Variants in RTTN observed in about 807,000 individuals in gnomAD.
RTTN encodes the protein rotatin.
In RTTN, 182 loss-of-function variants were observed where a neutral mutation model predicts 269.2. The ratio of observed to expected loss-of-function variants is 0.68; its 90% CI spans 0.60 to 0.76. The LOEUF (loss-of-function observed/expected upper bound fraction) is 0.76. RTTN is among the 30% of genes least tolerant of loss of function. The probability of loss-of-function intolerance (pLI) is 0.00; values close to 1 mark genes in which losing one functional copy is unlikely to be tolerated. For synonymous variants in RTTN, 1,006 were observed against 963.5 expected, an observed-to-expected ratio of 1.04 and a Z score of -0.82; for missense variants, 2,545 against 2,608.6, an observed-to-expected ratio of 0.98 and a Z score of 0.53.
At chr18:70,020,851 C>T (rs1351386351) in intron 44 of RTTN, 34 bp from the exon 45 acceptor site, 1 of 1,561,388 alleles carries the variant, frequency 6.4e-7, no homozygotes, top group South Asian at 1.1e-5. Flanking sequence ...AATGTCTTCT[C>T]AGTTTCCCTG....
At chr18:70,041,724 G>A (rs977302099) in intron 40 of RTTN, among the ~76,000 whole-genome samples, 1 of 152,160 alleles carries the variant, frequency 6.6e-6, no homozygotes, top group African/African-American at 2.4e-5. Flanking sequence ...AACTGGCAGA[G>A]ACAGGAAAAT....
At position 70,186,652 on chromosome 18, in the gene RTTN, A is replaced by T. The variant is rs547941108; in HGVS notation, c.1305+1456T>A. 8.5e-5 allele frequency among the ~76,000 whole-genome samples: 13 copies of T among 152,364 alleles called. No individual in the cohort carries two copies. In the East Asian group the frequency reaches 2.5e-3, roughly 29 times the overall value. ...TATCAATGGGAGACTGATTAAGGAA[A>T]ATGTGGTACATACACACCAATGAAT... On this transcript the variant is annotated intron_variant, in intron 10 of 48. Transcript: ENST00000640769.
intron 34 of RTTN, among the ~76,000 whole-genome samples, chr18:70,066,540 T>C (rs1382169525): frequency 6.6e-6 from 1 of 152,162 alleles, no homozygotes; most frequent in Non-Finnish European, 1.5e-5. Flanking sequence ...CAAAGTGATG[T>C]GTTTGCGCTA....
chr18:70,067,376 G>C (rs2058169409), intron 34 of RTTN, among the ~76,000 whole-genome samples: 1 of 152,008 alleles, frequency 6.6e-6, no homozygotes, highest in South Asian at 2.1e-4. Context: ...AGCCAGGATG[G>C]TCTCGATCTC....
At chr18:70,038,857 T>C (rs2057254559) in intron 40 of RTTN, among the ~76,000 whole-genome samples, 1 of 152,184 alleles carries the variant, frequency 6.6e-6, no homozygotes, top group Non-Finnish European at 1.5e-5. Flanking sequence ...CAGAATTTTA[T>C]CAGATAAATT....
Position 70,088,145 on chromosome 18 carries a change from C to A in RTTN, c.4146G>T (p.Val1382=), listed in dbSNP as rs868242245. The A allele has an allele frequency of 6.2e-7, 1 of 1,602,438 alleles. No individual in the cohort carries two copies. The highest frequency in any genetic ancestry group is 1.7e-4 in the Middle Eastern group (1 of 6,008). ...IPLWVDRDPE[V]RFTSLGLGSA... The stretch of plus-strand genomic sequence containing the variant: ...ATCCTAATCCCAGTGAAGTGAATCT[C>A]ACCTGTTCAAATTAAAGAGAAAGTT... Residue 1382 remains valine, a splice_region_variant and synonymous_variant, in exon 31 of 49, where the codon GTG becomes GTT. Transcript: ENST00000640769.
intron 14 of RTTN, among the ~76,000 whole-genome samples, chr18:70,161,085 T>G (rs971662019): frequency 2.6e-5 from 4 of 152,196 alleles, no homozygotes; most frequent in African/African-American, 2.4e-5. Flanking sequence ...TCAGACTGCC[T>G]GACTTCAAAC....
chr18:70,019,222 C>G (rs1311327594), intron 45 of RTTN: 1 of 152,030 alleles, frequency 6.6e-6, no homozygotes, highest in Non-Finnish European at 1.5e-5. Context: ...TTGTTAAACC[C>G]AAATGAAGCT....
intron 40 of RTTN, among the ~76,000 whole-genome samples, chr18:70,046,256 CCA>C (rs2057489013): frequency 6.6e-6 from 1 of 152,056 alleles, no homozygotes; most frequent in Non-Finnish European, 1.5e-5. Flanking sequence ...TGCAGGACAC[CCA>C]CAGTCATCCA....
intron 40 of RTTN, among the ~76,000 whole-genome samples, chr18:70,040,040 G>C (rs971899292): frequency 1.2e-5 from 1 of 80,858 alleles, no homozygotes; most frequent in African/African-American, 2.8e-5. Context: ...CTAAAAGAAA[G>C]ACAGAAGGAA....
At chr18:70,200,427 G>A (rs4891825) in intron 4 of RTTN, among the ~76,000 whole-genome samples, 109,494 of 152,066 alleles carry the variant, frequency 0.72, 46,384 homozygotes, top group East Asian at 1. Flanking sequence ...TGTTTTCATC[G>A]GCTTCATTCA....
At chr18:70,177,093 A>G (rs1457883000) in intron 10 of RTTN, among the ~76,000 whole-genome samples, 3 of 152,250 alleles carry the variant, frequency 2.0e-5, no homozygotes, top group Non-Finnish European at 4.4e-5. Context: ...ATGAATCTTA[A>G]CAATGAATAA....
At chr18:70,010,503 A>G (rs2056337482) in intron 46 of RTTN, among the ~76,000 whole-genome samples, 1 of 152,344 alleles carries the variant, frequency 6.6e-6, no homozygotes, top group South Asian at 2.1e-4. Flanking sequence ...TAAATAACAC[A>G]ATTAAGGCAG....
At chr18:70,031,649 G>A (rs1435817694) in intron 40 of RTTN, among the ~76,000 whole-genome samples, 1 of 151,618 alleles carries the variant, frequency 6.6e-6, no homozygotes, top group African/African-American at 2.4e-5. Flanking sequence ...CACAATAACA[G>A]ATTCCATACA....
chr18:70,148,996 G>A lies in RTTN; in HGVS notation c.2214C>T (p.Leu738=). ...DTEDPLGNCI[L]LLSKASSDTE... ...TGTCAGAACTTGCTTTGCTTAGAAG[G>A]AGAATGCAGTTACCCAGAGGATCTT... Residue 738 remains leucine, a synonymous_variant, in exon 17 of 49, where the codon CTC becomes CTT. Coordinates refer to ENST00000640769, the MANE Select transcript of RTTN (RefSeq NM_173630.4). The A allele has an allele frequency of 6.2e-7, 1 of 1,613,500 alleles. No homozygotes were observed.
At chr18:70,176,465 A>C (rs1289055721) in intron 11 of RTTN, among the ~76,000 whole-genome samples, 1 of 152,202 alleles carries the variant, frequency 6.6e-6, no homozygotes, top group Non-Finnish European at 1.5e-5. Context: ...ACGATTAAAA[A>C]ATAATTTCCC....
At chr18:70,086,046 A>T (rs2058691036) in intron 32 of RTTN, among the ~76,000 whole-genome samples, 5 of 152,228 alleles carry the variant, frequency 3.3e-5, no homozygotes. Context: ...CATGAAAAAG[A>T]AAGTTAACCC....
Position 70,148,960 on chromosome 18 carries a change from C to CT in RTTN, c.2249_2250insA (p.Met750IlefsTer37). The CT allele has an allele frequency of 6.2e-7, 1 of 1,613,504 alleles. No homozygotes were observed. The highest frequency in any genetic ancestry group is 1.1e-5 in the South Asian group (1 of 91,068). On this transcript the variant is annotated frameshift_variant, in exon 17 of 49. Transcript: ENST00000640769. LOFTEE classifies it high-confidence loss of function. Reference sequence around the variant, plus strand: ...ACTTTAATCGGGTAGTACACGGAAGCATCTCTTCTGTGTCAGAACTTGCTT... The same window carrying CT: ...ACTTTAATCGGGTAGTACACGGAAGCTATCTCTTCTGTGTCAGAACTTGCTT...
intron 43 of RTTN, among the ~76,000 whole-genome samples, chr18:70,027,145 G>A (rs915131204): frequency 4.6e-5 from 7 of 152,024 alleles, no homozygotes; most frequent in African/African-American, 7.3e-5. Context: ...AGTCCCCTCC[G>A]TCTAACCTTG....
Sources: allele counts gnomAD v4.1 joint callset (sites outside exome capture counted in the v4.1 genomes callset), GRCh38; gene constraint gnomAD v4.1.1; transcripts MANE v1.5; gene names NCBI Gene and HGNC (gene_info 2026-07-23, HGNC 2026-07-21).